The following CCSER1 variants were observed in gnomAD, a reference collection of about 807,000 sequenced individuals.
CCSER1 encodes the protein serine-rich coiled-coil domain-containing protein 1.
Under a neutral mutation model 82.0 loss-of-function variants are expected in CCSER1, and 41 were observed. The ratio of observed to expected loss-of-function variants is 0.50; its 90% CI spans 0.39 to 0.65. The LOEUF is 0.65. Among genes scored for constraint, CCSER1 ranks in the 30% least tolerant of loss-of-function variants. CCSER1 has a pLI of 0.00. For missense variants in CCSER1, 1,119 were observed against 1,064.2 expected, an observed-to-expected ratio of 1.05 and a Z score of -0.72; for synonymous variants, 414 against 383.9, an observed-to-expected ratio of 1.08 and a Z score of -0.92.
At chr4:90,949,354 A>G (rs1732636351) in intron 9 of CCSER1, among the ~76,000 whole-genome samples, 1 of 152,170 alleles carries the variant, frequency 6.6e-6, no homozygotes, top group African/African-American at 2.4e-5. Context: ...AAAACACATA[A>G]CAAAATAAAT....
chr4:90,985,316 T>C lies in CCSER1; in HGVS notation c.2172+61869T>C, dbSNP rs1028881595. On this transcript the variant is annotated intron_variant, in intron 9 of 10. Transcript: ENST00000509176. ...CCTCTGTTGAAGTGATAGGCTTTTA[T>C]TCCTTATTTTTACCTTTACTGTTTA... is the stretch of plus-strand genomic sequence containing the variant. Among the ~76,000 whole-genome samples the C allele has an allele frequency of 4.6e-5, 7 of 151,810 alleles. 1 individual carries two copies. The highest frequency in any genetic ancestry group is 1.0e-4 in the Non-Finnish European group (7 of 67,804).
At chr4:91,217,675 A>G (rs1581788579) in intron 10 of CCSER1, among the ~76,000 whole-genome samples, 1 of 148,422 alleles carries the variant, frequency 6.7e-6, no homozygotes, top group African/African-American at 2.5e-5. Context: ...GCTGATTGGC[A>G]TATTTACAAA....
intron 8 of CCSER1, among the ~76,000 whole-genome samples, chr4:90,909,352 C>A (rs1368523669): frequency 6.6e-6 from 1 of 152,066 alleles, no homozygotes; most frequent in African/African-American, 2.4e-5. Context: ...GTACACAGTT[C>A]CAGACAGTGC....
At chr4:91,104,106 GC>G (rs1725361510) in intron 10 of CCSER1, among the ~76,000 whole-genome samples, 2 of 152,210 alleles carry the variant, frequency 1.3e-5, no homozygotes, top group South Asian at 4.1e-4. Flanking sequence ...GGGAAACTCT[GC>G]CCTGGTAATT....
chr4:90,368,516 T>G (rs1015875621), intron 3 of CCSER1, among the ~76,000 whole-genome samples: 2 of 151,694 alleles, frequency 1.3e-5, no homozygotes, highest in African/African-American at 4.8e-5. Context: ...ACCTGTAGTC[T>G]TAGCTCCTGG....
chr4:90,261,813 A>G (rs1724380918), intron 1 of CCSER1, among the ~76,000 whole-genome samples: 1 of 151,866 alleles, frequency 6.6e-6, no homozygotes, highest in African/African-American at 2.4e-5. Context: ...TTTTTGCTTC[A>G]TCTTTGTCTG....
intron 8 of CCSER1, among the ~76,000 whole-genome samples, chr4:90,840,589 A>T (rs1254002861): frequency 1.3e-5 from 2 of 152,214 alleles, no homozygotes; most frequent in Non-Finnish European, 2.9e-5. Flanking sequence ...TATGAGTATT[A>T]AAAAATAATT....
chr4:90,324,525 T>G (rs1350621191), intron 3 of CCSER1, among the ~76,000 whole-genome samples: 2 of 150,972 alleles, frequency 1.3e-5, no homozygotes, highest in Non-Finnish European at 2.9e-5. Flanking sequence ...TTGTTTGTTT[T>G]TTTCTTGTAA....
At chr4:91,347,314 A>T (rs1267650193) in intron 10 of CCSER1, among the ~76,000 whole-genome samples, 4 of 151,992 alleles carry the variant, frequency 2.6e-5, no homozygotes, top group Non-Finnish European at 4.4e-5. Flanking sequence ...TTGTTCCATT[A>T]ATCTATTTGT....
At chr4:91,061,945 ATTCT>A (rs1384853948) in intron 9 of CCSER1, among the ~76,000 whole-genome samples, 1 of 152,012 alleles carries the variant, frequency 6.6e-6, no homozygotes, top group Non-Finnish European at 1.5e-5. Context: ...GGTAACTCCA[ATTCT>A]TTCTGAGGAC....
intron 3 of CCSER1, among the ~76,000 whole-genome samples, chr4:90,396,123 CATT>C (rs913694487): frequency 6.6e-6 from 1 of 151,940 alleles, no homozygotes; most frequent in Non-Finnish European, 1.5e-5. Flanking sequence ...CATGGACTTT[CATT>C]ATTATTTCTT....
chr4:90,491,563 A>T (rs1768019588), intron 5 of CCSER1, among the ~76,000 whole-genome samples: 1 of 152,044 alleles, frequency 6.6e-6, no homozygotes, highest in Non-Finnish European at 1.5e-5. Context: ...GTTGAATAGG[A>T]GTGGTGAGAG....
At chr4:91,148,215 C>T (rs1729737137) in intron 10 of CCSER1, among the ~76,000 whole-genome samples, 1 of 152,076 alleles carries the variant, frequency 6.6e-6, no homozygotes, top group Admixed American at 6.6e-5. Context: ...TGGGACATTG[C>T]ATCTTACAAT....
intron 10 of CCSER1, among the ~76,000 whole-genome samples, chr4:91,094,779 C>T (rs1460319167): frequency 6.6e-6 from 1 of 152,126 alleles, no homozygotes; most frequent in African/African-American, 2.4e-5. Flanking sequence ...TGACCTGGCT[C>T]GGTTAGAAAA....
chr4:91,041,863 T>C (rs1455076608), intron 9 of CCSER1, among the ~76,000 whole-genome samples: 3 of 152,182 alleles, frequency 2.0e-5, no homozygotes, highest in African/African-American at 7.2e-5. Flanking sequence ...ATTGTGGATT[T>C]TTGCCAAGCT....
intron 8 of CCSER1, 26 bp downstream of exon 8, chr4:90,815,871 C>T (rs17187511): frequency 0.32 from 481,015 of 1,491,014 alleles, 78,340 homozygotes; most frequent in East Asian, 0.44. Flanking sequence ...GCTTGGCCCA[C>T]GAGTGTACTT....
chr4:90,416,270 TA>T (rs1422806562), intron 4 of CCSER1, among the ~76,000 whole-genome samples: 1 of 152,192 alleles, frequency 6.6e-6, no homozygotes, highest in African/African-American at 2.4e-5. Flanking sequence ...TGAATGCCTA[TA>T]ATGAGCCAGT....
rs193256661 is a variant in CCSER1, at chr4:91,479,002, G to A, written c.2218-119570G>A. 1.2e-3 allele frequency among the ~76,000 whole-genome samples: 177 copies of A among 151,650 alleles called. 1 individual carries two copies. Among genetic ancestry groups the A allele is most frequent in the Admixed American group, 1.6e-3 (24 of 15,236 alleles). On this transcript the variant is annotated intron_variant, in intron 10 of 10. Transcript: ENST00000509176. ...TTTATAATTAAGCAAATATACATAC[G>A]TTTAATGTAGTAGCACAATTGCAAA...
intron 10 of CCSER1, among the ~76,000 whole-genome samples, chr4:91,164,955 G>A (rs111852935): frequency 1.4e-3 from 208 of 152,230 alleles, no homozygotes; most frequent in East Asian, 8.1e-3. Flanking sequence ...GTCATTCTCC[G>A]TCCACCTTTT....
Sources: gnomAD v4.1 joint callset for allele counts (sites outside exome capture counted in the v4.1 genomes callset) on GRCh38, gnomAD v4.1.1 for gene constraint, MANE v1.5 for transcripts, NCBI Gene and HGNC (gene_info 2026-07-23, HGNC 2026-07-21) for gene names.